Variants in ACRBP observed in about 807,000 individuals in gnomAD.
ACRBP encodes the protein acrosin-binding protein.
In ACRBP, 52 loss-of-function variants were observed where a neutral mutation model predicts 69.0. That is an observed-to-expected ratio of 0.75 (90% confidence interval 0.60 to 0.95). The LOEUF is 0.95. ACRBP is among the 40% of genes least tolerant of loss of function. ACRBP has a pLI of 0.00. For missense variants in ACRBP, 604 were observed against 673.0 expected, an observed-to-expected ratio of 0.90 and a Z score of 1.13; for synonymous variants, 267 against 258.9, an observed-to-expected ratio of 1.03 and a Z score of -0.30.
rs756470203 is a variant in ACRBP at position 6,638,358 on chromosome 12, C to T, written c.1556G>A (p.Ser519Asn). 1.2e-6 allele frequency: 2 copies of T among 1,614,130 alleles called. No individual in the cohort carries two copies. Among genetic ancestry groups the T allele is most frequent in the Non-Finnish European group, 1.7e-6 (2 of 1,180,026 alleles). ...CLQNETYSAL[S>N]PGKSEDVVLR... ...CACAACGTCCTCACTTTTGCCAGGG[C>T]TCAGCGCACTGTAAGTCTCATTCTG... The change falls in exon 10 of 10, where the codon AGC (serine) becomes AAC (asparagine). Residue 519 changes from serine (S) to asparagine (N), a missense_variant. Coordinates refer to ENST00000229243, the MANE Select transcript of ACRBP (RefSeq NM_032489.3).
At position 6,640,551 on chromosome 12, in the gene ACRBP, G is replaced by A; in HGVS notation, c.1078-29C>T. The A allele has an allele frequency of 6.2e-7, 1 of 1,603,826 alleles. No individual in the cohort carries two copies. Among genetic ancestry groups the A allele is most frequent in the South Asian group, 1.1e-5 (1 of 90,478 alleles). On this transcript the variant is annotated intron_variant, in intron 6 of 9. Coordinates refer to ENST00000229243, the MANE Select transcript of ACRBP (RefSeq NM_032489.3). The surrounding 1 kb of genome is among the most constrained non-coding windows in gnomAD (Gnocchi z 5.3). ...GGGCAGGGGAATGGGTGAGGCTGAA[G>A]CTGAGAGTCAGCGGCCTGCCTTCTC...
chr12:6,642,301 T>C (rs1191232621), intron 6 of ACRBP, among the ~76,000 whole-genome samples: 2 of 152,222 alleles, frequency 1.3e-5, no homozygotes, highest in Non-Finnish European at 2.9e-5. Context: ...TCTAAGAGTT[T>C]TACAGGCACT....
In ACRBP at chr12:6,645,212, G is replaced by T. The variant is rs771438305; in HGVS notation, c.475+8C>A. ...CTGGTGGTCTCCCGGCTGCTGAGAG[G>T]GTCTCACCTGTGAAGTGGGGTGAGA... On this transcript the variant is annotated splice_region_variant and intron_variant, in intron 4 of 9. Coordinates refer to ENST00000229243, the MANE Select transcript of ACRBP (RefSeq NM_032489.3). 6.3e-7 allele frequency: 1 copy of T among 1,597,968 alleles called. No individual in the cohort carries two copies. The highest frequency in any genetic ancestry group is 8.6e-7 in the Non-Finnish European group (1 of 1,166,336).
At chr12:6,643,479 A>G (rs1949067166) in intron 6 of ACRBP, 60 bp downstream of exon 6, 1 of 1,601,606 alleles carries the variant, frequency 6.2e-7, no homozygotes, top group Non-Finnish European at 8.5e-7. Flanking sequence ...AGCCTAGCAC[A>G]GTGCCTGGCC....
At chr12:6,647,238 C>G in intron 1 of ACRBP, 86 bp downstream of exon 1, 2 of 1,448,310 alleles carry the variant, frequency 1.4e-6, no homozygotes, top group Non-Finnish European at 1.9e-6. Context: ...CATGAGGAAG[C>G]GATCCAGAAA....
At chr12:6,638,581 G>A in intron 9 of ACRBP, 177 bp from the exon 10 acceptor site, 1 of 1,209,490 alleles carries the variant, frequency 8.3e-7, no homozygotes, top group Non-Finnish European at 1.1e-6. Flanking sequence ...ACATCAAGCA[G>A]CCCAACCCCT....
chr12:6,646,437 C>G, intron 3 of ACRBP, 46 bp downstream of exon 3: 1 of 1,561,514 alleles, frequency 6.4e-7, no homozygotes, highest in South Asian at 1.1e-5. Flanking sequence ...TGCCGCCTCT[C>G]CCTTGGCCCT....
chr12:6,644,046 C>A lies in ACRBP; in HGVS notation c.944+91G>T, dbSNP rs189409557. On this transcript the variant is annotated intron_variant, in intron 5 of 9. Transcript: ENST00000229243. ...GAAGTCCAGACAGGTCTGAGTGGATCTGGAGGCTGAAGCTAGGAAAATGGG... is the reference window on the plus strand; with the variant it reads ...GAAGTCCAGACAGGTCTGAGTGGATATGGAGGCTGAAGCTAGGAAAATGGG... 3.3e-3 allele frequency: 4,952 copies of A among 1,513,078 alleles called. 16 individuals are homozygous for A. Among genetic ancestry groups the A allele is most frequent in the Non-Finnish European group, 3.7e-3 (4,205 of 1,134,048 alleles). The allele number at this position is 1,513,078 out of a possible 1,614,324, so 93.7% of individuals were successfully genotyped here.
intron 6 of ACRBP, among the ~76,000 whole-genome samples, chr12:6,643,071 G>A (rs1407553157): frequency 6.6e-6 from 1 of 152,048 alleles, no homozygotes; most frequent in Non-Finnish European, 1.5e-5. Flanking sequence ...GGGCAACAAA[G>A]GGAGACCCCA....
chr12:6,646,123 C>A (rs1394131946), intron 3 of ACRBP, among the ~76,000 whole-genome samples: 1 of 131,818 alleles, frequency 7.6e-6, no homozygotes, highest in Non-Finnish European at 1.5e-5. Flanking sequence ...CCAAGCCCGG[C>A]TATTTTTTTT....
chr12:6,639,891 G>A (rs563648326), intron 8 of ACRBP, among the ~76,000 whole-genome samples, 169 bp downstream of exon 8: 8 of 151,878 alleles, frequency 5.3e-5, no homozygotes, highest in African/African-American at 1.7e-4. Flanking sequence ...TGGAGGGTGG[G>A]GTGGGGTGCA....
Position 6,640,262 on chromosome 12 carries a change from C to T in ACRBP, c.1258-35G>A. On this transcript the variant is annotated intron_variant, in intron 7 of 9. Transcript: ENST00000229243. This position sits in a 1 kb window ranked among gnomAD's most constrained non-coding sequence, Gnocchi z 5.3. ...AGGAGATAGGGGAGAGGTGCGTGCC[C>T]CTCCCCACCTGCTGGCCACCACCAC... 1.9e-6 allele frequency: 3 copies of T among 1,612,978 alleles called. No individual in the cohort carries two copies. The highest frequency in any genetic ancestry group is 2.2e-5 in the South Asian group (2 of 91,050).
Position 6,644,369 on chromosome 12 carries a change from T to TCCCC in ACRBP, c.708_711dup (p.Thr238GlyfsTer3), listed in dbSNP as rs1338769205. 6.2e-7 allele frequency: 1 copy of TCCCC among 1,613,798 alleles called. No individual in the cohort carries two copies. Among genetic ancestry groups the TCCCC allele is most frequent in the African/African-American group, 1.3e-5 (1 of 74,868 alleles). ...GACACAGCCTCCCGTCCCTCCTTAG[T>TCCCC]CCCCTGTCCTTCTTCCTGCTTTCCC... On this transcript the variant is annotated frameshift_variant, in exon 5 of 10. Coordinates refer to ENST00000229243, the MANE Select transcript of ACRBP (RefSeq NM_032489.3). LOFTEE classifies it high-confidence loss of function.
chr12:6,644,727 A>G (rs1949076206), intron 4 of ACRBP, 122 bp from the exon 5 acceptor site: 12 of 1,407,846 alleles, frequency 8.5e-6, no homozygotes, highest in Non-Finnish European at 9.4e-6. Flanking sequence ...ACACACAGAA[A>G]AACACAGAAA....
Position 6,644,243 on chromosome 12 carries a change from T to A in ACRBP, c.838A>T (p.Met280Leu). 1 of 1,614,102 alleles carries A rather than the reference T, an allele frequency of 6.2e-7. No individual in the cohort carries two copies. The highest frequency in any genetic ancestry group is 8.5e-7 in the Non-Finnish European group (1 of 1,179,992). ...AGCTCCTGGATGTTCTCCATTATCA[T>A]AGGAGTAGACTCTACTTCTCGTACC... ...PRVREVESTP[M>L]IMENIQELIR... Residue 280 changes from methionine (M) to leucine (L), a missense_variant, in exon 5 of 10, where the codon ATG becomes TTG. By Grantham distance (15) the Met-to-Leu change is conservative. Transcript: ENST00000229243.
chr12:6,642,547 A>G (rs1444954418), intron 6 of ACRBP, among the ~76,000 whole-genome samples: 2 of 152,148 alleles, frequency 1.3e-5, no homozygotes, highest in Non-Finnish European at 2.9e-5. Context: ...TTTTCCCACA[A>G]ATCAGTCACA....
At position 6,646,810 on chromosome 12, in the gene ACRBP, G is replaced by T. The variant is rs759401934; in HGVS notation, c.246C>A (p.His82Gln). The change falls in exon 2 of 10, where the codon CAC (histidine) becomes CAA (glutamine). Residue 82 changes from histidine to glutamine, a missense_variant. Physicochemically the swap from His to Gln is conservative, Grantham distance 24. Around this residue, in one of 3 missense-constraint regions of ACRBP, gnomAD observed 532 missense variants for 562.9 expected, o/e 0.95. Coordinates refer to ENST00000229243, the MANE Select transcript of ACRBP (RefSeq NM_032489.3). Reference sequence around the variant, plus strand: ...GGCCCTCACCATCGGGCACTAAGCCGTGGTTTTCATATTGGTCCAGCTGGA... The same window carrying T: ...GGCCCTCACCATCGGGCACTAAGCCTTGGTTTTCATATTGGTCCAGCTGGA... The part of the protein sequence containing the change: ...TLVQLDQYEN[H>Q]GLVPDGAVCS... 12 of 1,614,020 alleles carry T rather than the reference G, an allele frequency of 7.4e-6. No individual in the cohort carries two copies. In the East Asian group the frequency reaches 2.0e-4, roughly 27 times the overall value.
Position 6,643,606 on chromosome 12 carries a change from C to T in ACRBP, c.1010G>A (p.Cys337Tyr). The change falls in exon 6 of 10, where the codon TGC (cysteine) becomes TAC (tyrosine). Residue 337 changes from cysteine to tyrosine, a missense_variant. Cys to Tyr is a radical substitution (Grantham distance 194). Coordinates refer to ENST00000229243, the MANE Select transcript of ACRBP (RefSeq NM_032489.3). Reference protein sequence around the residue: ...VLCYSIVENTCIITPTAKAWK... With the variant: ...VLCYSIVENTYIITPTAKAWK... Reference sequence around the variant, plus strand: ...GGCCTTGGCTGTGGGGGTTATGATGCAGGTATTCTCCACGATCGAATAGCA... The same window carrying T: ...GGCCTTGGCTGTGGGGGTTATGATGTAGGTATTCTCCACGATCGAATAGCA... 1 of 1,614,228 alleles carries T rather than the reference C, an allele frequency of 6.2e-7. No individual in the cohort carries two copies. The highest frequency in any genetic ancestry group is 8.5e-7 in the Non-Finnish European group (1 of 1,180,050).
chr12:6,644,301 A>G lies in ACRBP; in HGVS notation c.780T>C (p.Ser260=). 1 of 1,614,158 alleles carries G rather than the reference A, an allele frequency of 6.2e-7. No individual in the cohort carries two copies. Among genetic ancestry groups the G allele is most frequent in the Non-Finnish European group, 8.5e-7 (1 of 1,180,042 alleles). The part of the protein sequence containing the change: ...TDSEPKFHSE[S]LSSNPSSFAP... ...CAAAAGAGGAAGGGTTAGAAGATAG[A>G]GATTCAGAGTGAAACTTGGGCTCTG... Residue 260 remains serine, a synonymous_variant, in exon 5 of 10, where the codon TCT becomes TCC. Coordinates refer to ENST00000229243, the MANE Select transcript of ACRBP (RefSeq NM_032489.3).
Sources: allele counts gnomAD v4.1 joint callset (sites outside exome capture counted in the v4.1 genomes callset), GRCh38; gene constraint gnomAD v4.1.1; regional missense constraint gnomAD v4.1.1; non-coding constraint Gnocchi (gnomAD v3.1); transcripts MANE v1.5; gene names NCBI Gene and HGNC (gene_info 2026-07-23, HGNC 2026-07-21).